Variants in ANKRD30A observed in about 807,000 individuals in gnomAD.
ANKRD30A encodes ankyrin repeat domain-containing protein 30A.
Under a neutral mutation model 166.3 loss-of-function variants are expected in ANKRD30A, and 170 were observed. The ratio of observed to expected loss-of-function variants is 1.02; its 90% confidence interval spans 0.90 to 1.16. ANKRD30A has a LOEUF of 1.16. ANKRD30A is among the 50% of genes most tolerant of loss of function. The probability of loss-of-function intolerance (pLI) is 0.00; values close to 1 mark genes in which losing one functional copy is unlikely to be tolerated. For synonymous variants in ANKRD30A, 564 were observed against 508.9 expected (o/e 1.11, Z -1.46); for missense variants, 1,630 against 1,518.0 (o/e 1.07, Z -1.23).
rs548723210 is a variant in ANKRD30A at position 37,225,518 on chromosome 10, A to G, written c.4185+5621A>G. ...AAATGGATATTTAGATGAATAAGCT[A>G]ACACATGAAGTACTTTTTAACTAGT... On this transcript the variant is annotated intron_variant, in intron 34 of 35. Coordinates refer to ENST00000361713, the MANE Select transcript of ANKRD30A (RefSeq NM_052997.3). 3.9e-5 allele frequency among the ~76,000 whole-genome samples: 6 copies of G among 152,002 alleles called. No homozygotes were observed. In the East Asian group the frequency reaches 1.2e-3, roughly 30 times the overall value.
intron 25 of ANKRD30A, among the ~76,000 whole-genome samples, chr10:37,190,868 C>T (rs1840503460): frequency 6.6e-6 from 1 of 151,612 alleles, no homozygotes; most frequent in South Asian, 2.1e-4. Flanking sequence ...TTGACGTTCA[C>T]AATTTGAATA....
In ANKRD30A at chr10:37,193,126, A is replaced by G. The variant is rs575432468; in HGVS notation, c.2541+34A>G. 1.2e-5 allele frequency: 20 copies of G among 1,605,440 alleles called. No homozygotes were observed. In the South Asian group the frequency reaches 2.0e-4, roughly 16 times the overall value. On this transcript the variant is annotated intron_variant, in intron 26 of 35. Coordinates refer to ENST00000361713, the MANE Select transcript of ANKRD30A (RefSeq NM_052997.3). ...TTTTATATTTTTATCTTGAGTATTAACTACATATTTTATGAAGTATACATT... is the reference window on the plus strand; with the variant it reads ...TTTTATATTTTTATCTTGAGTATTAGCTACATATTTTATGAAGTATACATT...
In ANKRD30A at chr10:37,231,515, T is replaced by A; in HGVS notation, c.*46T>A. The A allele has an allele frequency of 1.3e-6, 2 of 1,540,386 alleles. No homozygotes were observed. Among genetic ancestry groups the A allele is most frequent in the Non-Finnish European group, 1.8e-6 (2 of 1,133,342 alleles). On this transcript the variant is annotated 3_prime_UTR_variant, in exon 35 of 36. Transcript: ENST00000361713. ...TCTTTTGGAGAAACAACAGACCAGA[T>A]CTTTACTCACAACTCATGCTAGGAG...
At chr10:37,246,147 G>A in the ANKRD30A span, among the ~76,000 whole-genome samples, 1 of 152,150 alleles carries the variant, frequency 6.6e-6, no homozygotes, top group African/African-American at 2.4e-5. Flanking sequence ...AATCACTGGA[G>A]CTACCATTAT....
At chr10:37,228,468 G>C (rs1843262172) in intron 34 of ANKRD30A, among the ~76,000 whole-genome samples, 1 of 151,964 alleles carries the variant, frequency 6.6e-6, no homozygotes, top group African/African-American at 2.4e-5. Flanking sequence ...GTGAATGCCA[G>C]ATTGATTAAT....
At position 37,200,106 on chromosome 10, in the gene ANKRD30A, C is replaced by A. The variant is rs11011069; in HGVS notation, c.2778+318C>A. On this transcript the variant is annotated intron_variant, in intron 30 of 35. Transcript: ENST00000361713. The stretch of plus-strand genomic sequence containing the variant: ...CAAAAGAATTACACTGAGTCCAGCT[C>A]TGGGCAAATATATGATTCTGTCTTA... Among the ~76,000 whole-genome samples the A allele has an allele frequency of 1.4e-4, 22 of 152,108 alleles. No homozygotes were observed. In the East Asian group the frequency reaches 2.7e-3, roughly 19 times the overall value.
chr10:37,131,464 TG>T (rs1836374829), intron 3 of ANKRD30A, among the ~76,000 whole-genome samples: 1 of 152,204 alleles, frequency 6.6e-6, no homozygotes, highest in Non-Finnish European at 1.5e-5. Context: ...AGAAACCCCA[TG>T]GACCATTTAA....
intron 31 of ANKRD30A, among the ~76,000 whole-genome samples, chr10:37,204,521 GA>G (rs564065490): frequency 7.6e-4 from 116 of 152,258 alleles, no homozygotes; most frequent in African/African-American, 2.7e-3. Flanking sequence ...AACCCTAGAA[GA>G]AAACCTAGGC....
intron 27 of ANKRD30A, among the ~76,000 whole-genome samples, chr10:37,196,101 T>TTTTA (rs1841078264): frequency 2.0e-5 from 3 of 148,236 alleles, no homozygotes; most frequent in Admixed American, 6.7e-5. Flanking sequence ...CTATTTTTTT[T>TTTTA]TTTTTTTTTT....
chr10:37,243,636 G>C, the ANKRD30A span, among the ~76,000 whole-genome samples: 14 of 151,936 alleles, frequency 9.2e-5, no homozygotes, highest in Admixed American at 9.2e-4. Flanking sequence ...TTAAGTGAAA[G>C]ACGTATAATA....
chr10:37,155,738 T>A lies in ANKRD30A; in HGVS notation c.1798+2076T>A, dbSNP rs144750153. 7.2e-4 allele frequency among the ~76,000 whole-genome samples: 109 copies of A among 152,316 alleles called. No individual in the cohort carries two copies. The East Asian group carries it at 0.016, about 23-fold the overall frequency. On this transcript the variant is annotated intron_variant, in intron 13 of 35. Coordinates refer to ENST00000361713, the MANE Select transcript of ANKRD30A (RefSeq NM_052997.3). ...TGGTTGTAGAATGTTGTTGTCATTCTACAGCAACTGTTTAGTTTTTGTTCA... is the reference window on the plus strand; with the variant it reads ...TGGTTGTAGAATGTTGTTGTCATTCAACAGCAACTGTTTAGTTTTTGTTCA...
At chr10:37,129,117 C>T (rs1461144817) in intron 1 of ANKRD30A, among the ~76,000 whole-genome samples, 1 of 152,104 alleles carries the variant, frequency 6.6e-6, no homozygotes, top group Non-Finnish European at 1.5e-5. Flanking sequence ...TTGCGTAGTA[C>T]TCTTAAAAGC....
At chr10:37,257,499 G>A in the ANKRD30A span, among the ~76,000 whole-genome samples, 4 of 152,114 alleles carry the variant, frequency 2.6e-5, no homozygotes, top group African/African-American at 9.6e-5. Flanking sequence ...TTAGGGGGTC[G>A]ATTTTAGATC....
intron 34 of ANKRD30A, among the ~76,000 whole-genome samples, chr10:37,225,264 G>A (rs1843096228): frequency 6.6e-6 from 1 of 151,456 alleles, no homozygotes; most frequent in Non-Finnish European, 1.5e-5. Context: ...TTCAAACTAT[G>A]TTACGTCGAA....
At chr10:37,198,656 G>T (rs1245938801) in intron 29 of ANKRD30A, among the ~76,000 whole-genome samples, 2 of 151,998 alleles carry the variant, frequency 1.3e-5, no homozygotes, top group African/African-American at 4.8e-5. Flanking sequence ...AAAAATGAGT[G>T]AAAACGGTGG....
chr10:37,209,943 A>G (rs1472157063), intron 31 of ANKRD30A, among the ~76,000 whole-genome samples: 1 of 152,050 alleles, frequency 6.6e-6, no homozygotes, highest in East Asian at 1.9e-4. Context: ...CAGAATCAGT[A>G]TACTGTCATT....
chr10:37,161,068 A>C (rs1838819098), intron 15 of ANKRD30A, among the ~76,000 whole-genome samples: 2 of 152,314 alleles, frequency 1.3e-5, no homozygotes, highest in Admixed American at 6.5e-5. Context: ...CCTGACTAAC[A>C]AGGCGAAACC....
chr10:37,230,651 C>A (rs1588966444), intron 34 of ANKRD30A, among the ~76,000 whole-genome samples: 1 of 152,060 alleles, frequency 6.6e-6, no homozygotes, highest in Non-Finnish European at 1.5e-5. Context: ...CTACATTTCA[C>A]TTTCTGACAC....
Position 37,162,791 on chromosome 10 carries a change from C to G in ANKRD30A, c.1945C>G (p.Gln649Glu). The G allele has an allele frequency of 1.2e-6, 2 of 1,613,694 alleles. No homozygotes were observed. The highest frequency in any genetic ancestry group is 1.7e-6 in the Non-Finnish European group (2 of 1,179,790). ...PSAFEPATEM[Q>E]KSVPNKALEL... ...CCCCATTTAGCCTGCCACTGAAATG[C>G]AAAAGTCTGTCCCAAATAAAGCCTT... is the stretch of plus-strand genomic sequence containing the variant. The change falls in exon 17 of 36, where the codon CAA (glutamine) becomes GAA (glutamate). Residue 649 changes from glutamine (Q) to glutamate (E), a missense_variant. By Grantham distance (29) the Gln-to-Glu change is conservative. Coordinates refer to ENST00000361713, the MANE Select transcript of ANKRD30A (RefSeq NM_052997.3).
Sources: allele counts gnomAD v4.1 joint callset (sites outside exome capture counted in the v4.1 genomes callset), GRCh38; gene constraint gnomAD v4.1.1; transcripts MANE v1.5; gene names NCBI Gene and HGNC (gene_info 2026-07-23, HGNC 2026-07-21).